The following TULP4 variants were observed in gnomAD, a reference collection of about 807,000 sequenced individuals.
TULP4 encodes tubby-related protein 4.
In TULP4, 16 loss-of-function variants were observed where a neutral mutation model predicts 129.0. The observed-to-expected ratio is 0.12, with a 90% CI of 0.08 to 0.19. The LOEUF is 0.19. Ranked by LOEUF, TULP4 falls within the 10% of genes least tolerant of loss-of-function variation. The pLI, the probability that TULP4 is intolerant of heterozygous loss-of-function variation, is 1.00. For missense variants in TULP4, 1,842 were observed against 2,059.1 expected (o/e 0.89, Z 2.04); for synonymous variants, 998 against 854.0 (o/e 1.17, Z -2.94).
chr6:158,481,165 C>T lies in TULP4; in HGVS notation c.1362C>T (p.Gly454=), dbSNP rs1431393121. 11 of 1,614,078 alleles carry T rather than the reference C, an allele frequency of 6.8e-6. No homozygotes were observed. Among genetic ancestry groups the T allele is most frequent in the African/African-American group, 1.3e-5 (1 of 74,946 alleles). The change falls in exon 8 of 14, where the codon GGC becomes GGT. Residue 454 remains glycine (G), a synonymous_variant. Coordinates refer to ENST00000367097, the MANE Select transcript of TULP4 (RefSeq NM_020245.5). ...GCACAGAGGACGACCCGGAGGTGGG[C>T]GGCCCGTGCTACACGCTCTACCTGG... ...MKRTEDDPEV[G]GPCYTLYLEY...
chr6:158,283,530 G>A (rs945112528), intron 1 of TULP4, among the ~76,000 whole-genome samples: 10 of 152,146 alleles, frequency 6.6e-5, no homozygotes, highest in Non-Finnish European at 1.2e-4. Context: ...GGGGTTTCCT[G>A]TGTGCTGTTT....
intron 1 of TULP4, among the ~76,000 whole-genome samples, chr6:158,364,566 G>C (rs563667155): frequency 1.4e-4 from 22 of 152,236 alleles, no homozygotes; most frequent in African/African-American, 4.1e-4. Context: ...TTAGAACTTT[G>C]AAAATATGAT....
At chr6:158,373,927 G>A (rs1483880895) in intron 1 of TULP4, among the ~76,000 whole-genome samples, 1 of 152,168 alleles carries the variant, frequency 6.6e-6, no homozygotes, top group Non-Finnish European at 1.5e-5. Context: ...AGAATAGGGT[G>A]TGCAGTTGTC....
chr6:158,311,522 T>TAG (rs1779353850), upstream of TULP4, among the ~76,000 whole-genome samples: 1 of 152,214 alleles, frequency 6.6e-6, no homozygotes, highest in Non-Finnish European at 1.5e-5. Flanking sequence ...CATAAAAGCT[T>TAG]AGAAAACAGC....
At chr6:158,338,626 G>A (rs1478114812) in intron 1 of TULP4, among the ~76,000 whole-genome samples, 1 of 152,200 alleles carries the variant, frequency 6.6e-6, no homozygotes, top group Non-Finnish European at 1.5e-5. Context: ...TGATATTTGT[G>A]ACATTGAATC....
At chr6:158,269,259 T>C (rs1328638058) in intron 1 of TULP4, among the ~76,000 whole-genome samples, 1 of 151,854 alleles carries the variant, frequency 6.6e-6, no homozygotes, top group African/African-American at 2.4e-5. Flanking sequence ...TTTAGCACCA[T>C]AGTTTGGTGG....
intron 8 of TULP4, among the ~76,000 whole-genome samples, chr6:158,488,012 T>C (rs1425897808): frequency 6.6e-6 from 1 of 152,178 alleles, no homozygotes; most frequent in Non-Finnish European, 1.5e-5. Context: ...GCTCTTCTAA[T>C]CCCAGCACTT....
At chr6:158,281,390 T>C (rs929874441), upstream of TULP4, among the ~76,000 whole-genome samples, 1 of 152,106 alleles carries the variant, frequency 6.6e-6, no homozygotes, top group Non-Finnish European at 1.5e-5. Flanking sequence ...ATTTTTTGTA[T>C]TTTTAGTAGA....
chr6:158,349,218 C>T (rs147664400), intron 1 of TULP4, among the ~76,000 whole-genome samples: 1,615 of 132,224 alleles, frequency 0.012, 44 homozygotes, highest in African/African-American at 0.041. Flanking sequence ...ACGGGGTGGC[C>T]GGGCAGAGGC....
intron 1 of TULP4, among the ~76,000 whole-genome samples, chr6:158,315,968 A>G (rs1779482769): frequency 6.6e-6 from 1 of 152,244 alleles, no homozygotes; most frequent in African/African-American, 2.4e-5. Flanking sequence ...GGATGGAAAC[A>G]TTCAGATCCT....
At chr6:158,240,023 C>T (rs1583665449) in intron 1 of TULP4, among the ~76,000 whole-genome samples, 1 of 114,048 alleles carries the variant, frequency 8.8e-6, no homozygotes, top group African/African-American at 3.0e-5. Flanking sequence ...CCGGACGGGG[C>T]GGCTGGCCGG....
intron 2 of TULP4, among the ~76,000 whole-genome samples, chr6:158,427,142 G>A (rs146466137): frequency 1.1e-3 from 165 of 152,262 alleles, no homozygotes; most frequent in African/African-American, 3.4e-3. Context: ...GGAATAATAT[G>A]TATAAAAAGG....
At chr6:158,497,253 A>G (rs1475577976) in intron 11 of TULP4, among the ~76,000 whole-genome samples, 1 of 152,224 alleles carries the variant, frequency 6.6e-6, no homozygotes, top group Non-Finnish European at 1.5e-5. Context: ...GAAATTAACT[A>G]TTGAATACTA....
chr6:158,427,685 G>T (rs923450769), intron 2 of TULP4, among the ~76,000 whole-genome samples: 14 of 151,356 alleles, frequency 9.2e-5, no homozygotes, highest in Non-Finnish European at 5.9e-5. Context: ...GTAGAAACAG[G>T]GTTTCACCAT....
rs533831389 is a variant in TULP4, at chr6:158,250,317, C to T, written n.68+18014C>T. 2.0e-5 allele frequency among the ~76,000 whole-genome samples: 3 copies of T among 152,170 alleles called. No individual in the cohort carries two copies. The South Asian group carries it at 6.2e-4, about 32-fold the overall frequency. On this transcript the variant is annotated intron_variant and non_coding_transcript_variant, in intron 1 of 1. Transcript: ENST00000620026. ...GGACTACAGGCGCCTGCCACCACAC[C>T]CAGCTAATTTTTGTAGTTTTAGTAG...
intron 3 of TULP4, among the ~76,000 whole-genome samples, chr6:158,432,589 A>G (rs745439184): frequency 6.6e-6 from 1 of 152,194 alleles, no homozygotes; most frequent in Non-Finnish European, 1.5e-5. Flanking sequence ...ATGGCTGGGC[A>G]CGGTGGCTCA....
At chr6:158,264,911 C>T (rs1005993206) in intron 1 of TULP4, among the ~76,000 whole-genome samples, 2 of 152,218 alleles carry the variant, frequency 1.3e-5, no homozygotes, top group African/African-American at 2.4e-5. Flanking sequence ...TGGGGATTCT[C>T]TGTGCCTTCA....
Position 158,502,646 on chromosome 6 carries a change from A to T in TULP4, c.2983A>T (p.Thr995Ser), listed in dbSNP as rs753304401. ...ATLRRNNREA[T>S]LKMAQLADSP... ...CCTGCGGAGGAACAACCGTGAGGCT[A>T]CGCTCAAGATGGCCCAGCTGGCCGA... The change falls in exon 13 of 14, where the codon ACG (threonine) becomes TCG (serine). Residue 995 changes from threonine to serine, a missense_variant. This residue lies in a region of TULP4 where 1,089 missense variants were observed against 987.1 expected (regional missense o/e 1.10). Transcript: ENST00000367097. The T allele has an allele frequency of 1.3e-5, 20 of 1,581,432 alleles. No homozygotes were observed. The highest frequency in any genetic ancestry group is 1.5e-5 in the Non-Finnish European group (17 of 1,168,372).
chr6:158,261,730 G>A (rs770096761), intron 1 of TULP4, among the ~76,000 whole-genome samples: 71 of 152,150 alleles, frequency 4.7e-4, no homozygotes, highest in Non-Finnish European at 8.2e-4. Flanking sequence ...AGGCTGGTGG[G>A]CGTGGGCTGG....
Sources: allele counts gnomAD v4.1 joint callset (sites outside exome capture counted in the v4.1 genomes callset), GRCh38; gene constraint gnomAD v4.1.1; regional missense constraint gnomAD v4.1.1; transcripts MANE v1.5; gene names NCBI Gene and HGNC (gene_info 2026-07-23, HGNC 2026-07-21).